Variants in RB1 observed in about 807,000 individuals in gnomAD.
RB1 encodes RB transcriptional corepressor 1.
A neutral mutation model predicts 135.4 loss-of-function variants in RB1; 18 were observed. The observed-to-expected ratio is 0.13, with a 90% CI of 0.09 to 0.20. RB1 has a LOEUF of 0.20. RB1 is among the 10% of genes least tolerant of loss of function. The probability of loss-of-function intolerance (pLI) is 1.00; values close to 1 mark genes in which losing one functional copy is unlikely to be tolerated. For missense variants in RB1, 868 were observed against 1,110.0 expected (o/e 0.78, Z 3.10); for synonymous variants, 365 against 373.2 (o/e 0.98, Z 0.25).
Position 48,346,867 on chromosome 13 carries a change from C to A in RB1, c.501-958C>A, listed in dbSNP as rs140908267. The stretch of plus-strand genomic sequence containing the variant: ...TTTGTAAGGAGGATGTATTACCTTT[C>A]TAGTAAACAAAGCAAGCAAAAACTT... On this transcript the variant is annotated intron_variant, in intron 4 of 26. Transcript: ENST00000267163. Among the ~76,000 whole-genome samples, 1,290 of 151,924 alleles carry A rather than the reference C, an allele frequency of 8.5e-3. 11 individuals carry two copies. Among genetic ancestry groups the A allele is most frequent in the Non-Finnish European group, 0.015 (986 of 67,894 alleles).
At chr13:48,341,299 C>T (rs894939787) in intron 2 of RB1, 3 of 151,724 alleles carry the variant, frequency 2.0e-5, no homozygotes, top group African/African-American at 7.3e-5. Flanking sequence ...TAGGGATATA[C>T]CCCAATTTAT....
intron 9 of RB1, among the ~76,000 whole-genome samples, chr13:48,366,246 T>C (rs770701324): frequency 9.2e-4 from 140 of 152,312 alleles, no homozygotes; most frequent in Admixed American, 2.5e-3. Flanking sequence ...TTTTTTCTCC[T>C]TTAAAAGGAT....
chr13:48,388,310 G>A (rs1948585602), intron 17 of RB1, among the ~76,000 whole-genome samples: 1 of 152,066 alleles, frequency 6.6e-6, no homozygotes, highest in Admixed American at 6.6e-5. Context: ...GATTGAATGA[G>A]GTTTGCTTGG....
chr13:48,370,829 G>A (rs1156439399), intron 11 of RB1, among the ~76,000 whole-genome samples: 1 of 152,182 alleles, frequency 6.6e-6, no homozygotes, highest in Non-Finnish European at 1.5e-5. Flanking sequence ...GAGGTTGGGG[G>A]CTGGGGCTGA....
chr13:48,461,126 C>A (rs2138339334), intron 20 of RB1, among the ~76,000 whole-genome samples: 1 of 152,206 alleles, frequency 6.6e-6, no homozygotes, highest in East Asian at 1.9e-4. Context: ...GAATTTGTAT[C>A]ACACCAGAAA....
At position 48,303,886 on chromosome 13, in the gene RB1, C is replaced by T. The variant is rs1401270877; in HGVS notation, c.-27C>T. 1.3e-6 allele frequency: 2 copies of T among 1,513,566 alleles called. No individual in the cohort carries two copies. The highest frequency in any genetic ancestry group is 1.4e-5 in the African/African-American group (1 of 69,428). The allele number at this position is 1,513,566 out of a possible 1,614,324, so 93.8% of individuals were successfully genotyped here. On this transcript the variant is annotated 5_prime_UTR_variant, in exon 1 of 27. Coordinates refer to ENST00000267163, the MANE Select transcript of RB1 (RefSeq NM_000321.3). ...TCCTCCCCGGCGCTCCTCCACAGCTCGCTGGCTCCCGCCGCGGAAAGGCGT... is the reference window on the plus strand; with the variant it reads ...TCCTCCCCGGCGCTCCTCCACAGCTTGCTGGCTCCCGCCGCGGAAAGGCGT...
chr13:48,462,151 T>A (rs1471205010), intron 20 of RB1, among the ~76,000 whole-genome samples: 2 of 150,726 alleles, frequency 1.3e-5, no homozygotes, highest in East Asian at 3.9e-4. Context: ...TGAGACATGG[T>A]CTTACTCTGT....
chr13:48,317,365 C>T (rs1405833848), intron 2 of RB1: 1 of 381,124 alleles, frequency 2.6e-6, no homozygotes, highest in Admixed American at 4.5e-5. Context: ...CTCCGCATCT[C>T]TACTTTCCGA....
intron 13 of RB1, 81 bp downstream of exon 13, chr13:48,377,115 C>G: frequency 1.5e-6 from 2 of 1,357,572 alleles, no homozygotes; most frequent in South Asian, 1.2e-5. Context: ...TATAAATACT[C>G]TAACAGTATT....
intron 2 of RB1, among the ~76,000 whole-genome samples, chr13:48,334,828 G>C (rs1338690992): frequency 6.6e-6 from 1 of 152,152 alleles, no homozygotes; most frequent in Non-Finnish European, 1.5e-5. Context: ...TCAACTAAAT[G>C]ATGGTATAAT....
At chr13:48,428,972 G>A (rs939940089) in intron 17 of RB1, among the ~76,000 whole-genome samples, 4 of 152,310 alleles carry the variant, frequency 2.6e-5, no homozygotes, top group Admixed American at 2.0e-4. Context: ...CTCTCAGGAT[G>A]CTCCTGGAAG....
chr13:48,344,141 T>C (rs1219288639), intron 3 of RB1, among the ~76,000 whole-genome samples: 1 of 152,236 alleles, frequency 6.6e-6, no homozygotes, highest in Non-Finnish European at 1.5e-5. Flanking sequence ...TAATATCCTA[T>C]TGGAAAATGT....
At chr13:48,435,058 T>C (rs1949169684) in intron 17 of RB1, among the ~76,000 whole-genome samples, 1 of 152,192 alleles carries the variant, frequency 6.6e-6, no homozygotes, top group Non-Finnish European at 1.5e-5. Flanking sequence ...GGTTTTCTTT[T>C]CTCTGGGATA....
chr13:48,322,708 G>T (rs939841144), intron 2 of RB1, among the ~76,000 whole-genome samples: 5 of 152,054 alleles, frequency 3.3e-5, no homozygotes, highest in Admixed American at 3.3e-4. Context: ...TATTTCTAGG[G>T]TGTTGAGTGT....
At chr13:48,461,935 C>T (rs535284415) in intron 20 of RB1, among the ~76,000 whole-genome samples, 1 of 152,120 alleles carries the variant, frequency 6.6e-6, no homozygotes, top group East Asian at 1.9e-4. Flanking sequence ...TGGGTTCAAG[C>T]AATTCTTCTG....
At chr13:48,403,279 G>A (rs112381466) in intron 17 of RB1, among the ~76,000 whole-genome samples, 3 of 152,092 alleles carry the variant, frequency 2.0e-5, no homozygotes, top group East Asian at 3.9e-4. Context: ...TCAGTGTATC[G>A]GAAGAGCAGA....
At chr13:48,472,735 G>T (rs906640470) in intron 23 of RB1, among the ~76,000 whole-genome samples, 4 of 151,932 alleles carry the variant, frequency 2.6e-5, no homozygotes, top group African/African-American at 9.7e-5. Context: ...GTAGAGTGAT[G>T]GCCACTTATC....
At chr13:48,430,056 C>T (rs1442192430) in intron 17 of RB1, among the ~76,000 whole-genome samples, 1 of 152,170 alleles carries the variant, frequency 6.6e-6, no homozygotes, top group Non-Finnish European at 1.5e-5. Flanking sequence ...GTTATATCAC[C>T]TAGCAGTTTC....
intron 17 of RB1, among the ~76,000 whole-genome samples, chr13:48,414,478 T>C (rs1948875161): frequency 6.6e-6 from 1 of 152,022 alleles, no homozygotes; most frequent in Non-Finnish European, 1.5e-5. Context: ...CTATGGCACA[T>C]GTTTTTCTTG....
Sources: gnomAD v4.1 joint callset for allele counts (sites outside exome capture counted in the v4.1 genomes callset) on GRCh38, gnomAD v4.1.1 for gene constraint, MANE v1.5 for transcripts, NCBI Gene and HGNC (gene_info 2026-07-23, HGNC 2026-07-21) for gene names.